FNDC1: variants seen among roughly 807,000 people sequenced by gnomAD.
FNDC1 encodes fibronectin type III domain-containing protein 1.
Under a neutral mutation model 168.0 loss-of-function variants are expected in FNDC1, and 96 were observed. The ratio of observed to expected loss-of-function variants is 0.57; its 90% CI spans 0.48 to 0.68. The LOEUF (loss-of-function observed/expected upper bound fraction) is 0.68, where lower values mean the gene tolerates loss of function less well. Ranked by LOEUF, FNDC1 falls within the 30% of genes least tolerant of loss-of-function variation. The pLI, the probability that FNDC1 is intolerant of heterozygous loss-of-function variation, is 0.00. For synonymous variants in FNDC1, 1,099 were observed against 1,025.9 expected (o/e 1.07, Z -1.36); for missense variants, 2,587 against 2,482.1 (o/e 1.04, Z -0.90).
intron 4 of FNDC1, among the ~76,000 whole-genome samples, chr6:159,206,278 A>G (rs927851388): frequency 2.0e-5 from 3 of 152,242 alleles, no homozygotes; most frequent in Admixed American, 6.5e-5. Flanking sequence ...ATTTCAATCA[A>G]AGCCTTTGGC....
At position 159,169,925 on chromosome 6, in the gene FNDC1, CG is replaced by C. The variant is rs1311846136; in HGVS notation, c.109+221del. ...GCGCGCTGGCGTTTAACTTTGCCGT[CG>C]CCCGCCTTGGAGTCGGGAGGCTCCA... On this transcript the variant is annotated intron_variant, in intron 1 of 22. Transcript: ENST00000297267. The surrounding 1 kb of genome is among the most constrained non-coding windows in gnomAD (Gnocchi z 6.8). 4.5e-6 allele frequency: 1 copy of C among 223,164 alleles called. No homozygotes were observed. The highest frequency in any genetic ancestry group is 8.6e-6 in the Non-Finnish European group (1 of 115,884). 13.8% of individuals were successfully genotyped at this position (223,164 alleles called of 1,614,324 possible).
intron 17 of FNDC1, among the ~76,000 whole-genome samples, chr6:159,252,467 C>T (rs947857761): frequency 2.6e-5 from 4 of 152,164 alleles, no homozygotes; most frequent in Non-Finnish European, 4.4e-5. Context: ...GGAATTTGTA[C>T]AGCAGCGCAA....
In FNDC1 at chr6:159,239,605, T is replaced by C; in HGVS notation, c.4269T>C (p.Asp1423=). The C allele has an allele frequency of 1.9e-6, 3 of 1,581,128 alleles. No individual in the cohort carries two copies. Among genetic ancestry groups the C allele is most frequent in the Non-Finnish European group, 2.6e-6 (3 of 1,162,514 alleles). ...GCACACCTCTGGCCAATGCCCAAGA[T>C]AAGCCAATTTTGAGTCTTGGAGGAA... ...RHGTPLANAQ[D]KPILSLGGKP... The change falls in exon 14 of 23, where the codon GAT becomes GAC. Residue 1423 remains aspartate, a synonymous_variant. Transcript: ENST00000297267.
intron 11 of FNDC1, 36 bp from the exon 12 acceptor site, chr6:159,236,179 C>T (rs747328893): frequency 2.8e-5 from 42 of 1,497,480 alleles, no homozygotes; most frequent in Non-Finnish European, 3.6e-5. Context: ...GTTGAATTTA[C>T]CAGGCTCTGT....
At position 159,233,235 on chromosome 6, in the gene FNDC1, A is replaced by G. The variant is rs753318779; in HGVS notation, c.2723A>G (p.Asp908Gly). 3.1e-6 allele frequency: 5 copies of G among 1,613,686 alleles called. No homozygotes were observed. Among genetic ancestry groups the G allele is most frequent in the Non-Finnish European group, 4.2e-6 (5 of 1,179,832 alleles). ...CAGCCCATCTCCCGGGGCTGGGAGG[A>G]CTTAAGGAGAAGCCCGCAGAGAGGG... Reference protein sequence around the residue: ...SRQPISRGWEDLRRSPQRGAS... With the variant: ...SRQPISRGWEGLRRSPQRGAS... The change falls in exon 11 of 23, where the codon GAC (aspartate) becomes GGC (glycine). Residue 908 changes from aspartate (D) to glycine (G), a missense_variant. Physicochemically the swap from Asp to Gly is moderately conservative, Grantham distance 94. Coordinates refer to ENST00000297267, the MANE Select transcript of FNDC1 (RefSeq NM_032532.3). The surrounding 1 kb of genome is among the most constrained non-coding windows in gnomAD (Gnocchi z 4.6).
chr6:159,210,151 A>C (rs2114961391), intron 4 of FNDC1, among the ~76,000 whole-genome samples: 1 of 152,274 alleles, frequency 6.6e-6, no homozygotes, highest in African/African-American at 2.4e-5. Flanking sequence ...TGCCCACCAC[A>C]TCCTTCGCCA....
intron 21 of FNDC1, among the ~76,000 whole-genome samples, chr6:159,266,494 C>CCG (rs1777596014): frequency 6.6e-6 from 1 of 152,104 alleles, no homozygotes; most frequent in Non-Finnish European, 1.5e-5. Context: ...CCTGTAATCG[C>CCG]AGCACTTTGG....
At chr6:159,204,348 C>T (rs1430753750) in intron 4 of FNDC1, among the ~76,000 whole-genome samples, 1 of 152,120 alleles carries the variant, frequency 6.6e-6, no homozygotes, top group African/African-American at 2.4e-5. Flanking sequence ...CTAACTGCCA[C>T]CTCCCCTCAT....
rs375659754 is a variant in FNDC1 at position 159,270,241 on chromosome 6, G to A, written c.5570-1086G>A. Among the ~76,000 whole-genome samples the A allele has an allele frequency of 8.5e-5, 13 of 152,194 alleles. No individual in the cohort carries two copies. The East Asian group carries it at 1.7e-3, about 20-fold the overall frequency. On this transcript the variant is annotated intron_variant, in intron 22 of 22. Coordinates refer to ENST00000297267, the MANE Select transcript of FNDC1 (RefSeq NM_032532.3). ...TGGTTTTGTGGCCCCACTGCAAGAG[G>A]ACAACAGACTGGGTAACATAGCAAG... is the stretch of plus-strand genomic sequence containing the variant.
At chr6:159,198,955 T>A (rs1782312815) in intron 2 of FNDC1, among the ~76,000 whole-genome samples, 1 of 152,240 alleles carries the variant, frequency 6.6e-6, no homozygotes, top group Non-Finnish European at 1.5e-5. Flanking sequence ...CCAGTCTTGA[T>A]CACAGCAGGC....
chr6:159,214,363 T>TA (rs886376567), intron 4 of FNDC1, among the ~76,000 whole-genome samples: 20 of 152,020 alleles, frequency 1.3e-4, no homozygotes, highest in South Asian at 2.1e-4. Flanking sequence ...ATGTAGCAAG[T>TA]AAAAAAAACA....
chr6:159,183,830 T>C (rs1290308152), intron 1 of FNDC1, among the ~76,000 whole-genome samples: 1 of 152,198 alleles, frequency 6.6e-6, no homozygotes, highest in Admixed American at 6.5e-5. Context: ...AGATGAAGAT[T>C]TGGCAGCATG....
At chr6:159,212,338 A>G (rs1183054635) in intron 4 of FNDC1, among the ~76,000 whole-genome samples, 1 of 152,224 alleles carries the variant, frequency 6.6e-6, no homozygotes, top group Admixed American at 6.5e-5. Flanking sequence ...AGAATTTCAG[A>G]AGGCTTTGGT....
chr6:159,267,737 A>C, intron 21 of FNDC1, 67 bp from the exon 22 acceptor site: 1 of 1,586,570 alleles, frequency 6.3e-7, no homozygotes. Context: ...AGCTTGTGCA[A>C]AAAAACTCCT....
At position 159,233,519 on chromosome 6, in the gene FNDC1, C is replaced by A; in HGVS notation, c.3007C>A (p.Gln1003Lys). 1.9e-6 allele frequency: 3 copies of A among 1,600,932 alleles called. No homozygotes were observed. Among genetic ancestry groups the A allele is most frequent in the Non-Finnish European group, 2.5e-6 (3 of 1,177,414 alleles). ...PRRMTPGRAP[Q>K]QQPPPPVATS... Reference sequence around the variant, plus strand: ...AAGGATGACACCCGGCCGGGCCCCACAACAGCAGCCCCCTCCTCCCGTCGC... The same window carrying A: ...AAGGATGACACCCGGCCGGGCCCCAAAACAGCAGCCCCCTCCTCCCGTCGC... Residue 1003 changes from glutamine (Q) to lysine (K), a missense_variant, in exon 11 of 23, where the codon CAA (glutamine) becomes AAA (lysine). Physicochemically the swap from Gln to Lys is moderately conservative, Grantham distance 53. Coordinates refer to ENST00000297267, the MANE Select transcript of FNDC1 (RefSeq NM_032532.3). The surrounding 1 kb of genome is among the most constrained non-coding windows in gnomAD (Gnocchi z 4.6).
At position 159,223,551 on chromosome 6, in the gene FNDC1, G is replaced by A. The variant is rs1184605982; in HGVS notation, c.790G>A (p.Asp264Asn). The A allele has an allele frequency of 6.2e-7, 1 of 1,613,538 alleles. No homozygotes were observed. Among genetic ancestry groups the A allele is most frequent in the East Asian group, 2.2e-5 (1 of 44,866 alleles). Residue 264 changes from aspartate to asparagine, a missense_variant, in exon 7 of 23, where the codon GAC (aspartate) becomes AAC (asparagine). Asp to Asn is a conservative substitution (Grantham distance 23). Coordinates refer to ENST00000297267, the MANE Select transcript of FNDC1 (RefSeq NM_032532.3). ...ISEEDELDVP[D>N]DISVRVMSSQ... ...AGAAGAGGACGAATTGGATGTACCT[G>A]ACGACATCAGCGTCCGGGTTATGTC... is the stretch of plus-strand genomic sequence containing the variant.
In FNDC1 at chr6:159,246,935, A is replaced by T. The variant is rs768700903; in HGVS notation, c.4656A>T (p.Val1552=). Residue 1552 remains valine, a synonymous_variant, in exon 15 of 23, where the codon GTA becomes GTT. Transcript: ENST00000297267. ...EFSGLETDTA[V]PTEEAYVIYD... ...CAGGCTTGGAGACTGACACTGCAGTACCTACGGAAGAGGCCTACGTTATAT... is the reference window on the plus strand; with the variant it reads ...CAGGCTTGGAGACTGACACTGCAGTTCCTACGGAAGAGGCCTACGTTATAT... 2 of 1,613,012 alleles carry T rather than the reference A, an allele frequency of 1.2e-6. No homozygotes were observed. Among genetic ancestry groups the T allele is most frequent in the South Asian group, 2.2e-5 (2 of 91,070 alleles).
At chr6:159,211,781 A>G (rs915120170) in intron 4 of FNDC1, among the ~76,000 whole-genome samples, 3 of 152,222 alleles carry the variant, frequency 2.0e-5, no homozygotes, top group Admixed American at 1.3e-4. Flanking sequence ...TACAAAGTGC[A>G]TATGCTGTGC....
At chr6:159,179,384 A>T (rs1176855742) in intron 1 of FNDC1, among the ~76,000 whole-genome samples, 3 of 152,194 alleles carry the variant, frequency 2.0e-5, no homozygotes, top group South Asian at 2.1e-4. Flanking sequence ...GCTTGAACCC[A>T]GGAGGCGGAG....
Sources: allele counts gnomAD v4.1 joint callset (sites outside exome capture counted in the v4.1 genomes callset), GRCh38; gene constraint gnomAD v4.1.1; non-coding constraint Gnocchi (gnomAD v3.1); transcripts MANE v1.5; gene names NCBI Gene and HGNC (gene_info 2026-07-23, HGNC 2026-07-21).